ROPN1B: variants seen among roughly 807,000 people sequenced by gnomAD.
ROPN1B encodes rhophilin associated tail protein 1B, also known as ropporin-1B.
A neutral mutation model predicts 23.7 loss-of-function variants in ROPN1B; 13 were observed. That is an observed-to-expected ratio of 0.55 (90% confidence interval 0.36 to 0.87). The LOEUF (loss-of-function observed/expected upper bound fraction) is 0.87. Ranked by LOEUF, ROPN1B falls within the 40% of genes least tolerant of loss-of-function variation. The pLI, the probability that ROPN1B is intolerant of heterozygous loss-of-function variation, is 0.01. For missense variants in ROPN1B, 183 were observed against 249.2 expected (o/e 0.73, Z 1.79); for synonymous variants, 67 against 100.4 (o/e 0.67, Z 1.99).
intron 2 of ROPN1B, among the ~76,000 whole-genome samples, chr3:125,971,474 C>T (rs1464279096): frequency 1.3e-5 from 2 of 152,158 alleles, no homozygotes; most frequent in Non-Finnish European, 2.9e-5. Context: ...AGAAAATGTA[C>T]GAGTTTTCCG....
At chr3:125,975,352 T>C (rs1185249877) in intron 3 of ROPN1B, among the ~76,000 whole-genome samples, 1 of 152,188 alleles carries the variant, frequency 6.6e-6, no homozygotes, top group East Asian at 1.9e-4. Flanking sequence ...AGCTTTGTAT[T>C]CTCTAAGCAT....
Position 125,983,444 on chromosome 3 carries a change from G to A in ROPN1B, c.*124G>A, listed in dbSNP as rs879827742. The A allele has an allele frequency of 1.0e-5, 7 of 695,358 alleles. No homozygotes were observed. The highest frequency in any genetic ancestry group is 1.7e-5 in the South Asian group (1 of 58,802). 43.1% of individuals were successfully genotyped at this position (695,358 alleles called of 1,614,324 possible). Reference sequence around the variant, plus strand: ...GGTACACACTAATAAACAAACATGTGAGATCAGAAATGTGCGGAATTAAGA... The same window carrying A: ...GGTACACACTAATAAACAAACATGTAAGATCAGAAATGTGCGGAATTAAGA... On this transcript the variant is annotated 3_prime_UTR_variant, in exon 7 of 7. Transcript: ENST00000514116.
chr3:125,970,331 T>C (rs1188446491), intron 1 of ROPN1B, among the ~76,000 whole-genome samples: 1 of 152,192 alleles, frequency 6.6e-6, no homozygotes, highest in Non-Finnish European at 1.5e-5. Flanking sequence ...TGTGCAGTTG[T>C]CTGTGCTTGG....
intron 3 of ROPN1B, among the ~76,000 whole-genome samples, chr3:125,974,047 T>G (rs372380944): frequency 3.3e-5 from 5 of 152,162 alleles, no homozygotes; most frequent in Admixed American, 6.5e-5. Context: ...ACCCAAAGAA[T>G]GAAATCCATG....
intron 5 of ROPN1B, chr3:125,977,886 TAA>T (rs1938480804): frequency 6.6e-6 from 1 of 152,374 alleles, no homozygotes; most frequent in Non-Finnish European, 1.5e-5. Flanking sequence ...CTGAGATACA[TAA>T]AAGTTTGAAA....
At chr3:125,970,437 G>C (rs1938155278) in intron 1 of ROPN1B, among the ~76,000 whole-genome samples, 1 of 152,006 alleles carries the variant, frequency 6.6e-6, no homozygotes, top group African/African-American at 2.4e-5. Flanking sequence ...GCCCTGTTTA[G>C]CCCATACCAA....
intron 1 of ROPN1B, among the ~76,000 whole-genome samples, chr3:125,970,669 C>T (rs1938168134): frequency 6.6e-6 from 1 of 151,868 alleles, no homozygotes; most frequent in Non-Finnish European, 1.5e-5. Context: ...TCCTTTTTTC[C>T]TCTGTACAGA....
intron 3 of ROPN1B, chr3:125,973,763 A>C (rs562672974): frequency 2.6e-5 from 4 of 152,606 alleles, no homozygotes; most frequent in African/African-American, 9.6e-5. Context: ...CTATCCAGAC[A>C]TGAAAAGCAC....
At chr3:125,979,750 C>T (rs1317379954) in intron 5 of ROPN1B, among the ~76,000 whole-genome samples, 1 of 152,216 alleles carries the variant, frequency 6.6e-6, no homozygotes, top group African/African-American at 2.4e-5. Context: ...AATTCAACGG[C>T]AAGACAGGAT....
intron 5 of ROPN1B, 113 bp from the exon 6 acceptor site, chr3:125,982,157 T>C: frequency 1.2e-6 from 1 of 839,308 alleles, no homozygotes; most frequent in Non-Finnish European, 1.8e-6. Flanking sequence ...CTTAAATTGT[T>C]CCCACTTCAT....
intron 5 of ROPN1B, chr3:125,978,072 A>G (rs891033701): frequency 2.0e-5 from 3 of 152,218 alleles, no homozygotes; most frequent in South Asian, 2.1e-4. Context: ...CTTTTCCTAT[A>G]GCTTCCCCTA....
At chr3:125,976,605 T>G (rs1331973178) in intron 4 of ROPN1B, among the ~76,000 whole-genome samples, 1 of 152,206 alleles carries the variant, frequency 6.6e-6, no homozygotes, top group Non-Finnish European at 1.5e-5. Flanking sequence ...ACCTATGTCT[T>G]GTTCTAATTT....
Position 125,982,380 on chromosome 3 carries a change from C to T in ROPN1B, c.507C>T (p.Ala169=), listed in dbSNP as rs376480844. The T allele has an allele frequency of 6.8e-6, 11 of 1,612,936 alleles. No homozygotes were observed. Among genetic ancestry groups the T allele is most frequent in the Non-Finnish European group, 8.5e-6 (10 of 1,179,690 alleles). ...STFQFLYTYI[A]EVDGEICASH... is the part of the protein sequence containing the mutation. ...TCCAGTTTCTCTACACGTATATTGC[C>T]GAAGTGGATGGGGAGATCTGTGCAT... Residue 169 remains alanine, a synonymous_variant, in exon 6 of 7, where the codon GCC becomes GCT. Transcript: ENST00000514116.
intron 5 of ROPN1B, among the ~76,000 whole-genome samples, chr3:125,980,942 C>A (rs943260125): frequency 2.4e-4 from 36 of 152,202 alleles, no homozygotes; most frequent in Admixed American, 6.5e-4. Context: ...AGTGGAAGTG[C>A]CTAGAAGATG....
At chr3:125,979,918 C>T (rs1430887040) in intron 5 of ROPN1B, among the ~76,000 whole-genome samples, 1 of 152,206 alleles carries the variant, frequency 6.6e-6, no homozygotes, top group East Asian at 1.9e-4. Context: ...CTGTATTCCT[C>T]CCCCCTTCAG....
At chr3:125,969,878 C>A (rs1938132035) in intron 1 of ROPN1B, 1 of 150,566 alleles carries the variant, frequency 6.6e-6, no homozygotes, top group Admixed American at 6.6e-5. Flanking sequence ...TTCATAGACT[C>A]CTATCACATA....
intron 1 of ROPN1B, among the ~76,000 whole-genome samples, chr3:125,969,798 C>T (rs1938128005): frequency 6.6e-6 from 1 of 152,310 alleles, no homozygotes; most frequent in Non-Finnish European, 1.5e-5. Flanking sequence ...ACTTCATAGA[C>T]TCCTATCACA....
chr3:125,981,090 C>T (rs1325883424), intron 5 of ROPN1B, among the ~76,000 whole-genome samples: 1 of 151,924 alleles, frequency 6.6e-6, no homozygotes, highest in African/African-American at 2.4e-5. Flanking sequence ...ACAATGCTTA[C>T]TAAATGTAAA....
intron 2 of ROPN1B, among the ~76,000 whole-genome samples, chr3:125,971,461 G>A (rs1325062621): frequency 6.6e-6 from 1 of 152,300 alleles, no homozygotes; most frequent in African/African-American, 2.4e-5. Flanking sequence ...GGAACTTTTT[G>A]AGAGAAAATG....
Sources: gnomAD v4.1 joint callset for allele counts (sites outside exome capture counted in the v4.1 genomes callset) on GRCh38, gnomAD v4.1.1 for gene constraint, MANE v1.5 for transcripts, NCBI Gene and HGNC (gene_info 2026-07-23, HGNC 2026-07-21) for gene names.